The following HS3ST2 variants were observed in gnomAD, a reference collection of about 807,000 sequenced individuals.
The protein encoded by HS3ST2 is heparan sulfate-glucosamine 3-sulfotransferase 2, also known as heparan sulfate glucosamine 3-O-sulfotransferase 2.
Under a neutral mutation model 26.3 loss-of-function variants are expected in HS3ST2, and 17 were observed. The ratio of observed to expected loss-of-function variants is 0.65; its 90% confidence interval spans 0.44 to 0.97. The LOEUF is 0.97. Among genes scored for constraint, HS3ST2 ranks in the 50% least tolerant of loss-of-function variants. The probability of loss-of-function intolerance (pLI) is 0.00; values close to 1 mark genes in which losing one functional copy is unlikely to be tolerated. For missense variants in HS3ST2, 402 were observed against 501.2 expected (o/e 0.80, Z 1.89); for synonymous variants, 237 against 219.2 (o/e 1.08, Z -0.72).
intron 1 of HS3ST2, among the ~76,000 whole-genome samples, chr16:22,816,637 C>G (rs1193678482): frequency 6.6e-6 from 1 of 152,158 alleles, no homozygotes; most frequent in Non-Finnish European, 1.5e-5. Context: ...GGCTTCATGC[C>G]AATGCCAATA....
intron 1 of HS3ST2, among the ~76,000 whole-genome samples, chr16:22,875,129 A>G (rs1901896444): frequency 6.6e-6 from 1 of 152,166 alleles, no homozygotes; most frequent in South Asian, 2.1e-4. Context: ...TTGTGTCTTA[A>G]TTTTTAACAA....
chr16:22,905,422 T>G (rs1012653953), intron 1 of HS3ST2, among the ~76,000 whole-genome samples: 1 of 151,852 alleles, frequency 6.6e-6, no homozygotes, highest in South Asian at 2.1e-4. Flanking sequence ...TTTTTTGTGT[T>G]TGTTTTTTTT....
intron 1 of HS3ST2, among the ~76,000 whole-genome samples, chr16:22,836,202 TTAAAGA>T (rs1901251762): frequency 6.6e-6 from 1 of 152,222 alleles, no homozygotes; most frequent in Non-Finnish European, 1.5e-5. Context: ...TGGTTACGTG[TTAAAGA>T]TATTTTCTTA....
chr16:22,915,583 C>T lies in HS3ST2; in HGVS notation c.*21C>T, dbSNP rs775320124. ...AATAAGCCCACGAAAGGAAAGGGCT[C>T]TCAAGGGCTCTTCTGCTCATCTCTT... On this transcript the variant is annotated 3_prime_UTR_variant, in exon 2 of 2. Coordinates refer to ENST00000261374, the MANE Select transcript of HS3ST2 (RefSeq NM_006043.2). 8 of 1,598,934 alleles carry T rather than the reference C, an allele frequency of 5.0e-6. No individual in the cohort carries two copies. The East Asian group carries it at 1.6e-4, about 31-fold the overall frequency.
At chr16:22,904,432 G>T (rs1302345728) in intron 1 of HS3ST2, among the ~76,000 whole-genome samples, 1 of 152,136 alleles carries the variant, frequency 6.6e-6, no homozygotes, top group Non-Finnish European at 1.5e-5. Context: ...ACTCTAGAGG[G>T]ATGATAGACT....
chr16:22,874,224 C>G (rs1053597705), intron 1 of HS3ST2, among the ~76,000 whole-genome samples: 2 of 152,128 alleles, frequency 1.3e-5, no homozygotes, highest in African/African-American at 4.8e-5. Context: ...GTCAACTGAG[C>G]GTTAGGATTT....
Position 22,901,614 on chromosome 16 carries a change from G to A in HS3ST2, c.486-13330G>A, listed in dbSNP as rs528377643. On this transcript the variant is annotated intron_variant, in intron 1 of 1. Coordinates refer to ENST00000261374, the MANE Select transcript of HS3ST2 (RefSeq NM_006043.2). ...ACCTCCAGATAGTGTCCCACGGTCAGCTGCAGATAGGACCAAAGAAATTGA... is the reference window on the plus strand; with the variant it reads ...ACCTCCAGATAGTGTCCCACGGTCAACTGCAGATAGGACCAAAGAAATTGA... 6.6e-5 allele frequency among the ~76,000 whole-genome samples: 10 copies of A among 152,336 alleles called. No homozygotes were observed. The South Asian group carries it at 2.1e-3, about 32-fold the overall frequency.
intron 1 of HS3ST2, among the ~76,000 whole-genome samples, chr16:22,844,863 T>C (rs990225713): frequency 1.3e-5 from 2 of 151,924 alleles, no homozygotes; most frequent in African/African-American, 4.8e-5. Flanking sequence ...TTCTTTCTTT[T>C]TTTTTTTTTG....
intron 1 of HS3ST2, among the ~76,000 whole-genome samples, chr16:22,904,302 C>G (rs1319983394): frequency 6.6e-6 from 1 of 152,172 alleles, no homozygotes; most frequent in Non-Finnish European, 1.5e-5. Flanking sequence ...CCCCAGCATA[C>G]AGTAGGTGCT....
chr16:22,903,977 C>T (rs1406968471), intron 1 of HS3ST2, among the ~76,000 whole-genome samples: 3 of 152,118 alleles, frequency 2.0e-5, no homozygotes, highest in African/African-American at 7.2e-5. Flanking sequence ...CCTCTTATAG[C>T]GCAGGGATTA....
chr16:22,835,837 C>A (rs1901246330), intron 1 of HS3ST2, among the ~76,000 whole-genome samples: 1 of 152,046 alleles, frequency 6.6e-6, no homozygotes, highest in Non-Finnish European at 1.5e-5. Flanking sequence ...CACTCAGCAG[C>A]AACTTAGCTT....
At chr16:22,885,859 A>G (rs1264215143) in intron 1 of HS3ST2, among the ~76,000 whole-genome samples, 2 of 152,150 alleles carry the variant, frequency 1.3e-5, no homozygotes, top group Non-Finnish European at 1.5e-5. Context: ...CACTGTGGTC[A>G]CTGGTCGACA....
chr16:22,824,248 A>G (rs380059), intron 1 of HS3ST2, among the ~76,000 whole-genome samples: 21,921 of 152,214 alleles, frequency 0.14, 1,710 homozygotes, highest in East Asian at 0.22. Context: ...CATGACGTGA[A>G]GCTTAAAAAC....
intron 1 of HS3ST2, among the ~76,000 whole-genome samples, chr16:22,872,801 C>A (rs1186110789): frequency 2.0e-5 from 3 of 152,156 alleles, no homozygotes; most frequent in Non-Finnish European, 4.4e-5. Context: ...ACTTATTTGG[C>A]AATCAGCTTC....
At chr16:22,837,248 C>G (rs1901271148) in intron 1 of HS3ST2, among the ~76,000 whole-genome samples, 1 of 151,702 alleles carries the variant, frequency 6.6e-6, no homozygotes, top group Non-Finnish European at 1.5e-5. Flanking sequence ...CTCTACACGT[C>G]ATTCTCCCAT....
chr16:22,855,224 G>C (rs1054654853), intron 1 of HS3ST2, among the ~76,000 whole-genome samples: 2 of 151,932 alleles, frequency 1.3e-5, no homozygotes, highest in Admixed American at 6.6e-5. Flanking sequence ...AGTTCTATTT[G>C]GGTCTGGCAT....
intron 1 of HS3ST2, among the ~76,000 whole-genome samples, chr16:22,853,550 C>T (rs1323020098): frequency 1.3e-5 from 2 of 152,180 alleles, no homozygotes; most frequent in East Asian, 3.9e-4. Context: ...CCTCCCCTCA[C>T]TCCCATGATA....
At position 22,867,747 on chromosome 16, in the gene HS3ST2, T is replaced by A. The variant is rs138190435; in HGVS notation, c.486-47197T>A. On this transcript the variant is annotated intron_variant, in intron 1 of 1. Transcript: ENST00000261374. ...ATTTGGTACAACTGTTCTGGAAGAA[T>A]ATTTGGAAGGATATTTTGCAAAAGC... 2.9e-3 allele frequency among the ~76,000 whole-genome samples: 437 copies of A among 152,352 alleles called. 2 individuals carry two copies. Among genetic ancestry groups the A allele is most frequent in the Non-Finnish European group, 5.0e-3 (337 of 68,022 alleles).
At chr16:22,818,147 C>A (rs531480052) in intron 1 of HS3ST2, among the ~76,000 whole-genome samples, 6 of 152,316 alleles carry the variant, frequency 3.9e-5, no homozygotes. Context: ...GGTTCTCCCC[C>A]ACCCACATTT....
Sources: gnomAD v4.1 joint callset for allele counts (sites outside exome capture counted in the v4.1 genomes callset) on GRCh38, gnomAD v4.1.1 for gene constraint, MANE v1.5 for transcripts, NCBI Gene and HGNC (gene_info 2026-07-23, HGNC 2026-07-21) for gene names.